ZFHX3: variants seen among roughly 807,000 people sequenced by gnomAD.
ZFHX3 encodes the protein zinc finger homeobox 3, also known as zinc finger homeobox protein 3.
In ZFHX3, 42 loss-of-function variants were observed where a neutral mutation model predicts 279.1. The observed-to-expected ratio is 0.15, with a 90% CI of 0.12 to 0.19. The LOEUF is 0.19. Among genes scored for constraint, ZFHX3 ranks in the 10% least tolerant of loss-of-function variants. The pLI is 1.00. For missense variants in ZFHX3, 4,981 were observed against 4,754.0 expected (o/e 1.05, Z -1.40); for synonymous variants, 2,293 against 1,957.8 (o/e 1.17, Z -4.52).
Position 72,924,612 on chromosome 16 carries a change from G to A in ZFHX3, c.3216+25857C>T, listed in dbSNP as rs532222591. On this transcript the variant is annotated intron_variant, in intron 3 of 9. Transcript: ENST00000268489. ...GGTACCAGGCCCACAGAGAGGCCGC[G>A]GCTGGGTGCGCAGAACTACGACACC... Among the ~76,000 whole-genome samples, 24 of 152,296 alleles carry A rather than the reference G, an allele frequency of 1.6e-4. No individual in the cohort carries two copies. The East Asian group carries it at 3.3e-3, about 21-fold the overall frequency.
At chr16:73,030,294 G>C (rs1324824178) in intron 1 of ZFHX3, among the ~76,000 whole-genome samples, 1 of 152,200 alleles carries the variant, frequency 6.6e-6, no homozygotes, top group Non-Finnish European at 1.5e-5. Flanking sequence ...TCATAGCACG[G>C]AGACAGATCC....
chr16:73,832,364 T>G lies in ZFHX3; in HGVS notation c.-1608+59287A>C, dbSNP rs568332055. On this transcript the variant is annotated intron_variant, in intron 1 of 17. Transcript: ENST00000641206. ...CTGCTTGGACATAAGCCCCTATGTTTACTGTATAAGGAATGGTCACCTAGT... is the reference window on the plus strand; with the variant it reads ...CTGCTTGGACATAAGCCCCTATGTTGACTGTATAAGGAATGGTCACCTAGT... Among the ~76,000 whole-genome samples, 40 of 152,296 alleles carry G rather than the reference T, an allele frequency of 2.6e-4. No individual in the cohort carries two copies. In the South Asian group the frequency reaches 8.1e-3, roughly 31 times the overall value.
At chr16:73,739,613 G>C (rs1244429551) in intron 1 of ZFHX3, among the ~76,000 whole-genome samples, 2 of 152,168 alleles carry the variant, frequency 1.3e-5, no homozygotes, top group African/African-American at 2.4e-5. Flanking sequence ...AGGGAATGAA[G>C]GGACTGTGAT....
chr16:73,717,355 C>T (rs1391298618), intron 1 of ZFHX3, among the ~76,000 whole-genome samples: 1 of 152,082 alleles, frequency 6.6e-6, no homozygotes, highest in Admixed American at 6.5e-5. Context: ...CCACCGATTC[C>T]CATTTGACTT....
At chr16:73,757,389 CA>C (rs558989292) in intron 1 of ZFHX3, among the ~76,000 whole-genome samples, 23 of 152,344 alleles carry the variant, frequency 1.5e-4, no homozygotes, top group African/African-American at 5.5e-4. Flanking sequence ...AGCCAGAAGT[CA>C]GATTCTCAGA....
At chr16:73,769,193 C>T (rs1428507555) in intron 1 of ZFHX3, among the ~76,000 whole-genome samples, 5 of 152,142 alleles carry the variant, frequency 3.3e-5, no homozygotes, top group African/African-American at 1.2e-4. Flanking sequence ...CAGCAAGAAA[C>T]TTTCCCAACT....
intron 2 of ZFHX3, among the ~76,000 whole-genome samples, chr16:73,543,253 C>G (rs189257786): frequency 6.2e-4 from 94 of 152,304 alleles, no homozygotes; most frequent in African/African-American, 1.7e-3. Context: ...TCAGGATGAC[C>G]AGATTATCAC....
intron 1 of ZFHX3, among the ~76,000 whole-genome samples, chr16:73,863,214 CAAATAAAT>C (rs921558890): frequency 2.0e-5 from 3 of 151,946 alleles, no homozygotes; most frequent in Admixed American, 6.6e-5. Flanking sequence ...TCAAAATAAA[CAAATAAAT>C]AAATAAATAA....
At chr16:73,681,890 G>C (rs186769872) in intron 1 of ZFHX3, among the ~76,000 whole-genome samples, 5 of 152,260 alleles carry the variant, frequency 3.3e-5, no homozygotes, top group Admixed American at 1.3e-4. Flanking sequence ...TCCTCTATTT[G>C]TAATCATCAA....
Position 73,105,396 on chromosome 16 carries a change from T to C in ZFHX3, c.-896-11798A>G, listed in dbSNP as rs59394026. On this transcript the variant is annotated intron_variant, in intron 7 of 17. Coordinates refer to the ZFHX3 transcript ENST00000641206. ...ATATATATATATACACACACACACA[T>C]ATATATATATATACACACACACATA... Among the ~76,000 whole-genome samples the C allele has an allele frequency of 2.4e-3, 80 of 33,094 alleles. 4 individuals carry two copies. Among genetic ancestry groups the C allele is most frequent in the East Asian group, 5.0e-3 (6 of 1,198 alleles). The allele number at this position is 33,094 out of a possible 152,430, so 21.7% of individuals were successfully genotyped here. A position where few individuals can be genotyped will look rare whatever the true frequency, so the allele number is the denominator to read the frequency against.
intron 2 of ZFHX3, among the ~76,000 whole-genome samples, chr16:73,631,917 TCTCTCTCTCTCACACACACACACA>T (rs1169306693): frequency 9.2e-6 from 1 of 108,224 alleles, no homozygotes; most frequent in Non-Finnish European, 1.9e-5. Flanking sequence ...TCTCTCTCTC[TCTCTCTCTCTCACACACACACACA>T]CACACACACA....
chr16:73,220,591 T>G (rs1191617048), intron 5 of ZFHX3, among the ~76,000 whole-genome samples: 4 of 152,170 alleles, frequency 2.6e-5, no homozygotes, highest in Admixed American at 1.3e-4. Context: ...TCTAAAATTC[T>G]TTGACCGTAG....
intron 7 of ZFHX3, among the ~76,000 whole-genome samples, chr16:73,129,190 C>A (rs1966628833): frequency 6.6e-6 from 1 of 152,084 alleles, no homozygotes; most frequent in South Asian, 2.1e-4. Flanking sequence ...GTTTCTAAGA[C>A]CAGCCTGGCC....
intron 5 of ZFHX3, among the ~76,000 whole-genome samples, chr16:72,827,096 T>C (rs1443998995): frequency 6.6e-6 from 1 of 152,144 alleles, no homozygotes; most frequent in African/African-American, 2.4e-5. Context: ...ATTATTTCCG[T>C]AGTGCCCTTA....
chr16:73,225,735 C>G (rs1218972400), intron 5 of ZFHX3, among the ~76,000 whole-genome samples: 1 of 152,202 alleles, frequency 6.6e-6, no homozygotes, highest in Non-Finnish European at 1.5e-5. Context: ...ACACTGTGTT[C>G]TGCATAGTAT....
intron 1 of ZFHX3, among the ~76,000 whole-genome samples, chr16:73,767,751 G>T (rs1395412739): frequency 6.6e-6 from 1 of 152,126 alleles, no homozygotes; most frequent in African/African-American, 2.4e-5. Context: ...CCATTTATGA[G>T]CTATGTGATC....
At chr16:73,867,002 C>A (rs1021151172) in intron 1 of ZFHX3, among the ~76,000 whole-genome samples, 1 of 152,064 alleles carries the variant, frequency 6.6e-6, no homozygotes, top group African/African-American at 2.4e-5. Context: ...TGGCATCTCA[C>A]GTCGTCTTGT....
chr16:73,886,665 C>T (rs1403678477), intron 1 of ZFHX3, among the ~76,000 whole-genome samples: 3 of 152,156 alleles, frequency 2.0e-5, no homozygotes, highest in Non-Finnish European at 4.4e-5. Flanking sequence ...AGAGTTTTTT[C>T]GCCTCACAAC....
chr16:73,536,999 G>A (rs2019913510), intron 2 of ZFHX3, among the ~76,000 whole-genome samples: 1 of 152,126 alleles, frequency 6.6e-6, no homozygotes, highest in African/African-American at 2.4e-5. Flanking sequence ...TCAACTTCAT[G>A]TTAATTTGCC....
Sources: gnomAD v4.1 joint callset for allele counts (sites outside exome capture counted in the v4.1 genomes callset) on GRCh38, gnomAD v4.1.1 for gene constraint, MANE v1.5 for transcripts, NCBI Gene and HGNC (gene_info 2026-07-23, HGNC 2026-07-21) for gene names.